Variants in POU6F2 observed in about 807,000 individuals in gnomAD.
The protein encoded by POU6F2 is POU domain, class 6, transcription factor 2.
A neutral mutation model predicts 71.3 loss-of-function variants in POU6F2; 31 were observed. The ratio of observed to expected loss-of-function variants is 0.43; its 90% CI spans 0.33 to 0.59. The LOEUF is 0.59. POU6F2 is among the 20% of genes least tolerant of loss of function. The pLI is 0.04. For synonymous variants in POU6F2, 347 were observed against 355.7 expected, an observed-to-expected ratio of 0.98 and a Z score of 0.27; for missense variants, 783 against 856.8, an observed-to-expected ratio of 0.91 and a Z score of 1.07.
At chr7:39,295,522 A>G (rs1479188176) in intron 4 of POU6F2, among the ~76,000 whole-genome samples, 1 of 152,228 alleles carries the variant, frequency 6.6e-6, no homozygotes, top group Non-Finnish European at 1.5e-5. Context: ...AGGCTGAGGC[A>G]GGAGAATCGC....
intron 4 of POU6F2, among the ~76,000 whole-genome samples, chr7:39,225,163 A>T (rs1370180116): frequency 6.6e-6 from 1 of 152,226 alleles, no homozygotes; most frequent in Non-Finnish European, 1.5e-5. Flanking sequence ...TCAAAATAGC[A>T]TTAAAATAAT....
chr7:39,353,121 C>A (rs1786172877), intron 5 of POU6F2, among the ~76,000 whole-genome samples: 1 of 152,254 alleles, frequency 6.6e-6, no homozygotes, highest in African/African-American at 2.4e-5. Flanking sequence ...CCTAGGAACC[C>A]AGGCACAGCT....
At chr7:39,237,629 T>C (rs1333561933) in intron 4 of POU6F2, among the ~76,000 whole-genome samples, 1 of 152,134 alleles carries the variant, frequency 6.6e-6, no homozygotes, top group Non-Finnish European at 1.5e-5. Context: ...GACATTTTTA[T>C]CCATATAGGA....
At position 39,392,191 on chromosome 7, in the gene POU6F2, G is replaced by A. The variant is rs146627659; in HGVS notation, c.973-14409G>A. Among the ~76,000 whole-genome samples the A allele has an allele frequency of 1.5e-3, 225 of 152,248 alleles. 1 individual carries two copies. Among genetic ancestry groups the A allele is most frequent in the African/African-American group, 5.2e-3 (215 of 41,536 alleles). On this transcript the variant is annotated intron_variant, in intron 5 of 9. Coordinates refer to ENST00000518318, the MANE Select transcript of POU6F2 (RefSeq NM_001370959.1). ...AAATTTTATTCCATTTTAGCATATC[G>A]TAGACTTTTATCATTTGAAGAACCT... is the stretch of plus-strand genomic sequence containing the variant.
chr7:39,333,933 C>T (rs116316937), intron 4 of POU6F2, among the ~76,000 whole-genome samples: 3,956 of 152,084 alleles, frequency 0.026, 173 homozygotes, highest in African/African-American at 0.086. Context: ...TGCCCTACTC[C>T]CTGGAATCTA....
At chr7:39,203,439 G>C (rs1312288330) in intron 2 of POU6F2, among the ~76,000 whole-genome samples, 3 of 152,186 alleles carry the variant, frequency 2.0e-5, no homozygotes, top group Non-Finnish European at 2.9e-5. Context: ...TTGTTTGTTT[G>C]TTTGTGTATC....
At chr7:39,140,484 G>A (rs1792473690) in intron 2 of POU6F2, among the ~76,000 whole-genome samples, 1 of 152,176 alleles carries the variant, frequency 6.6e-6, no homozygotes, top group Non-Finnish European at 1.5e-5. Flanking sequence ...TCCCTCTAGG[G>A]ACTCTAGGGG....
chr7:39,201,907 A>G (rs1346453201), intron 2 of POU6F2, among the ~76,000 whole-genome samples: 1 of 152,132 alleles, frequency 6.6e-6, no homozygotes, highest in Non-Finnish European at 1.5e-5. Flanking sequence ...TGGTCCTGCA[A>G]GGTTATGCGT....
chr7:38,984,568 G>A (rs1398647776), intron 1 of POU6F2, among the ~76,000 whole-genome samples: 1 of 152,026 alleles, frequency 6.6e-6, no homozygotes, highest in Admixed American at 6.6e-5. Context: ...GAAATAATAC[G>A]TTAGCACAGG....
At chr7:39,332,134 T>C (rs1785667949) in intron 4 of POU6F2, among the ~76,000 whole-genome samples, 1 of 152,242 alleles carries the variant, frequency 6.6e-6, no homozygotes, top group Admixed American at 6.5e-5. Context: ...CTGCTTCATA[T>C]TTGGATTGTG....
chr7:39,110,552 A>G (rs2128725465), intron 2 of POU6F2, among the ~76,000 whole-genome samples: 1 of 152,256 alleles, frequency 6.6e-6, no homozygotes, highest in African/African-American at 2.4e-5. Context: ...GGAAATAGGC[A>G]AATGCCTTAT....
chr7:39,435,571 T>G (rs1380664314), intron 7 of POU6F2, among the ~76,000 whole-genome samples: 4 of 152,252 alleles, frequency 2.6e-5, no homozygotes, highest in African/African-American at 9.6e-5. Context: ...TCTCCCATTC[T>G]GTAGGTTGCC....
chr7:39,341,287 T>A (rs1412032335), intron 5 of POU6F2, among the ~76,000 whole-genome samples: 2 of 152,044 alleles, frequency 1.3e-5, no homozygotes, highest in African/African-American at 4.8e-5. Flanking sequence ...GAGAGATGAG[T>A]CATTGTGTTT....
chr7:39,385,065 T>C (rs1786907247), intron 5 of POU6F2, among the ~76,000 whole-genome samples: 1 of 152,200 alleles, frequency 6.6e-6, no homozygotes, highest in Non-Finnish European at 1.5e-5. Flanking sequence ...CAAAAACATA[T>C]AATACTCATA....
chr7:39,344,045 A>G (rs528397600), intron 5 of POU6F2, among the ~76,000 whole-genome samples: 17 of 152,304 alleles, frequency 1.1e-4, no homozygotes, highest in African/African-American at 4.1e-4. Context: ...AGTCACTGCT[A>G]TAAGCTCTGG....
intron 1 of POU6F2, among the ~76,000 whole-genome samples, chr7:39,028,317 G>C (rs912661589): frequency 6.6e-6 from 1 of 151,832 alleles, no homozygotes; most frequent in Non-Finnish European, 1.5e-5. Context: ...TTTTAATTTT[G>C]ATGCAGATGA....
chr7:39,281,787 A>G (rs1784566636), intron 4 of POU6F2, among the ~76,000 whole-genome samples: 1 of 152,186 alleles, frequency 6.6e-6, no homozygotes, highest in Admixed American at 6.5e-5. Context: ...TCTCTTCAAC[A>G]TAGTGATTGC....
At chr7:39,400,536 A>T (rs1787275076) in intron 5 of POU6F2, among the ~76,000 whole-genome samples, 1 of 152,140 alleles carries the variant, frequency 6.6e-6, no homozygotes, top group African/African-American at 2.4e-5. Flanking sequence ...ACGGGCTGTT[A>T]ACCAAGGACT....
intron 4 of POU6F2, 108 bp from the exon 5 acceptor site, chr7:39,339,534 G>T (rs1338878712): frequency 2.8e-6 from 4 of 1,409,878 alleles, no homozygotes; most frequent in Non-Finnish European, 3.7e-6. Flanking sequence ...GCAAGGACAA[G>T]AATTTTCTAA....
Sources: allele counts gnomAD v4.1 joint callset (sites outside exome capture counted in the v4.1 genomes callset), GRCh38; gene constraint gnomAD v4.1.1; transcripts MANE v1.5; gene names NCBI Gene and HGNC (gene_info 2026-07-23, HGNC 2026-07-21).